The following TSPEAR variants were observed in gnomAD, a reference collection of about 807,000 sequenced individuals.
TSPEAR encodes the protein thrombospondin type laminin G domain and EAR repeats.
A neutral mutation model predicts 71.6 loss-of-function variants in TSPEAR; 69 were observed. That is an observed-to-expected ratio of 0.96 (90% CI 0.79 to 1.18). The LOEUF is 1.18. Ranked by LOEUF, TSPEAR falls within the 50% of genes most tolerant of loss-of-function variation. TSPEAR has a pLI of 0.00. For missense variants in TSPEAR, 971 were observed against 894.9 expected, an observed-to-expected ratio of 1.09 and a Z score of -1.09; for synonymous variants, 402 against 387.2, an observed-to-expected ratio of 1.04 and a Z score of -0.45.
At chr21:44,697,526 TG>T (rs782499461) in intron 1 of TSPEAR, 3 of 1,612,850 alleles carry the variant, frequency 1.9e-6, no homozygotes, top group Admixed American at 3.3e-5. Context: ...CGTGCCCGTC[TG>T]CTGCAAGACT....
At position 44,567,915 on chromosome 21, in the gene TSPEAR, C is replaced by A; in HGVS notation, c.173G>T (p.Gly58Val). ...GGGGGCGGCTACTGAGAGCTGGAGTCCCCGTGCACCGTGAACCTGAACTAT... is the reference window on the plus strand; with the variant it reads ...GGGGGCGGCTACTGAGAGCTGGAGTACCCGTGCACCGTGAACCTGAACTAT... ...IRIVQVHGAR[G>V]LQLSVAAPRT... Residue 58 changes from glycine to valine, a missense_variant, in exon 2 of 12, where the codon GGA becomes GTA. Physicochemically the swap from Gly to Val is moderately radical, Grantham distance 109 (BLOSUM62 -3). Coordinates refer to ENST00000323084, the MANE Select transcript of TSPEAR (RefSeq NM_144991.3). 6.2e-7 allele frequency: 1 copy of A among 1,605,352 alleles called. No homozygotes were observed. The highest frequency in any genetic ancestry group is 1.1e-5 in the South Asian group (1 of 89,722).
intron 1 of TSPEAR, among the ~76,000 whole-genome samples, chr21:44,606,352 T>A (rs1981314239): frequency 6.6e-6 from 1 of 152,294 alleles, no homozygotes; most frequent in East Asian, 1.9e-4. Flanking sequence ...GAATGGTTCT[T>A]ATCAAAAAGA....
chr21:44,662,024 T>C (rs1467535191), intron 1 of TSPEAR, among the ~76,000 whole-genome samples: 14 of 151,932 alleles, frequency 9.2e-5, no homozygotes, highest in African/African-American at 3.4e-4. Context: ...TAACTAAGAA[T>C]ACTAAACCAA....
chr21:44,559,020 T>C (rs1404299707), intron 2 of TSPEAR, among the ~76,000 whole-genome samples: 2 of 152,108 alleles, frequency 1.3e-5, no homozygotes, highest in African/African-American at 4.8e-5. Context: ...TAGAAATATA[T>C]TGATTGCATC....
At chr21:44,599,447 C>T (rs1427845186) in intron 1 of TSPEAR, among the ~76,000 whole-genome samples, 2 of 152,220 alleles carry the variant, frequency 1.3e-5, no homozygotes, top group African/African-American at 4.8e-5. Context: ...GCCCTCTCCC[C>T]TGGGTAGGGG....
At chr21:44,601,812 T>A (rs1980950436) in intron 1 of TSPEAR, 2 of 1,539,248 alleles carry the variant, frequency 1.3e-6, no homozygotes, top group Non-Finnish European at 1.8e-6. Flanking sequence ...TTGACGGCTC[T>A]CCACATCCCG....
At chr21:44,647,211 GCCCGTCTCCTCCTGCTGTGCC>G (rs1984480049) in intron 1 of TSPEAR, 1 of 1,613,206 alleles carries the variant, frequency 6.2e-7, no homozygotes, top group African/African-American at 1.3e-5. Flanking sequence ...CCTGCTGTGT[GCCCGTCTCCTCCTGCTGTGCC>G]CCCACCTCCT....
intron 1 of TSPEAR, chr21:44,574,623 A>ATCT (rs782437828): frequency 1.6e-6 from 2 of 1,269,238 alleles, no homozygotes; most frequent in South Asian, 3.4e-5. Context: ...CTCTGTGCCC[A>ATCT]TCTGCTCTGG....
Position 44,612,612 on chromosome 21 carries a change from G to A in TSPEAR, c.83-44607C>T, listed in dbSNP as rs1555931440. 6 of 1,613,858 alleles carry A rather than the reference G, an allele frequency of 3.7e-6. No homozygotes were observed. The highest frequency in any genetic ancestry group is 5.1e-6 in the Non-Finnish European group (6 of 1,179,962). ...CAGGCCTGCTGTGTGCCCATCTGCT[G>A]CAAGCCCATCTGCTGTGTGCCTGTC... On this transcript the variant is annotated intron_variant, in intron 1 of 11. Transcript: ENST00000323084. The surrounding 1 kb of genome is among the most constrained non-coding windows in gnomAD (Gnocchi z 4.1).
intron 1 of TSPEAR, among the ~76,000 whole-genome samples, chr21:44,596,542 G>T (rs1207857236): frequency 6.6e-6 from 1 of 152,204 alleles, no homozygotes; most frequent in Non-Finnish European, 1.5e-5. Context: ...TAGTGATTCA[G>T]GCTTAAAGGC....
chr21:44,527,167 C>T lies in TSPEAR; in HGVS notation c.1149+125G>A, dbSNP rs1037642088. On this transcript the variant is annotated intron_variant, in intron 7 of 11. Transcript: ENST00000323084. ...GTGTGCGACTCTGTCAGCCTTTTAC[C>T]GCCTGAACGAGGTGACACCGTGAGA... The T allele has an allele frequency of 3.6e-5, 31 of 871,384 alleles. No homozygotes were observed. The African/African-American group carries it at 4.2e-4, about 12-fold the overall frequency. The allele number at this position is 871,384 out of a possible 1,614,324, so 54.0% of individuals were successfully genotyped here. A position where few individuals can be genotyped will look rare whatever the true frequency, so the allele number is the denominator to read the frequency against.
At chr21:44,587,596 A>T (rs1478610449) in intron 1 of TSPEAR, among the ~76,000 whole-genome samples, 2 of 152,194 alleles carry the variant, frequency 1.3e-5, no homozygotes, top group Non-Finnish European at 2.9e-5. Flanking sequence ...AAAAGAACAA[A>T]TCCGGAGGCA....
chr21:44,633,044 C>T (rs1427031361), intron 1 of TSPEAR, among the ~76,000 whole-genome samples: 6 of 151,914 alleles, frequency 3.9e-5, no homozygotes, highest in African/African-American at 1.5e-4. Flanking sequence ...CTCTTATAGT[C>T]TTTTTTATCT....
At chr21:44,513,702 A>G (rs1041963953) in intron 9 of TSPEAR, among the ~76,000 whole-genome samples, 14 of 152,136 alleles carry the variant, frequency 9.2e-5, no homozygotes, top group African/African-American at 2.9e-4. Context: ...CTGGGCAAAG[A>G]GGCCCTTGGG....
intron 1 of TSPEAR, chr21:44,647,431 T>C: frequency 1.3e-6 from 2 of 1,507,776 alleles, no homozygotes; most frequent in Non-Finnish European, 1.8e-6. Flanking sequence ...GCCCCTGGAG[T>C]CCTCAGAATC....
At chr21:44,625,673 C>T (rs1448859155) in intron 1 of TSPEAR, among the ~76,000 whole-genome samples, 1 of 152,252 alleles carries the variant, frequency 6.6e-6, no homozygotes, top group Non-Finnish European at 1.5e-5. Flanking sequence ...CCTTGCTCCC[C>T]TTCTCCCTGT....
chr21:44,592,021 C>T (rs782511838), intron 1 of TSPEAR: 2 of 1,604,238 alleles, frequency 1.2e-6, no homozygotes, highest in South Asian at 1.1e-5. Context: ...GGGCACACAG[C>T]AGGCCTGCTG....
At chr21:44,663,948 T>C (rs879948529) in intron 1 of TSPEAR, among the ~76,000 whole-genome samples, 1 of 152,116 alleles carries the variant, frequency 6.6e-6, no homozygotes, top group African/African-American at 2.4e-5. Flanking sequence ...AAACTAGAAA[T>C]TAAAAGGAAC....
At chr21:44,655,617 G>GCAGA (rs1193526506) in intron 1 of TSPEAR, among the ~76,000 whole-genome samples, 3 of 152,216 alleles carry the variant, frequency 2.0e-5, no homozygotes, top group Admixed American at 1.3e-4. Context: ...TCTCACCCCT[G>GCAGA]CAGAGGCAGC....
Sources: gnomAD v4.1 joint callset for allele counts (sites outside exome capture counted in the v4.1 genomes callset) on GRCh38, gnomAD v4.1.1 for gene constraint, Gnocchi (gnomAD v3.1) non-coding constraint, MANE v1.5 for transcripts, NCBI Gene and HGNC (gene_info 2026-07-23, HGNC 2026-07-21) for gene names.